HSD11B1: variants seen among roughly 807,000 people sequenced by gnomAD.
The protein encoded by HSD11B1 is 11-beta-hydroxysteroid dehydrogenase 1.
Under a neutral mutation model 22.1 loss-of-function variants are expected in HSD11B1, and 15 were observed. That is an observed-to-expected ratio of 0.68 (90% confidence interval 0.45 to 1.04). HSD11B1 has a LOEUF of 1.04. Among genes scored for constraint, HSD11B1 ranks in the 50% least tolerant of loss-of-function variants. The pLI, the probability that HSD11B1 is intolerant of heterozygous loss-of-function variation, is 0.00. For missense variants in HSD11B1, 281 were observed against 357.6 expected (o/e 0.79, Z 1.73); for synonymous variants, 122 against 125.2 (o/e 0.97, Z 0.17).
At chr1:209,720,239 C>T (rs1372543935) in intron 4 of HSD11B1, among the ~76,000 whole-genome samples, 1 of 152,012 alleles carries the variant, frequency 6.6e-6, no homozygotes, top group East Asian at 1.9e-4. Context: ...ATTAACATCA[C>T]CAGTAATGGA....
chr1:209,695,820 A>C (rs1475734530), intron 1 of HSD11B1, among the ~76,000 whole-genome samples: 2 of 152,218 alleles, frequency 1.3e-5, no homozygotes, highest in Admixed American at 1.3e-4. Flanking sequence ...AAATAAAAAA[A>C]AGTTAAACAT....
intron 1 of HSD11B1, among the ~76,000 whole-genome samples, chr1:209,692,936 TTA>T (rs2076770000): frequency 6.6e-6 from 1 of 152,140 alleles, no homozygotes; most frequent in East Asian, 1.9e-4. Flanking sequence ...TACATGTATT[TTA>T]TGTGTGTGTA....
intron 1 of HSD11B1, 102 bp downstream of exon 1, chr1:209,705,132 G>A: frequency 1.1e-6 from 1 of 934,814 alleles, no homozygotes; most frequent in South Asian, 1.3e-5. Context: ...CTCAAAGTTG[G>A]TGAAAATGAG....
At chr1:209,697,542 T>C (rs2076797798) in intron 1 of HSD11B1, among the ~76,000 whole-genome samples, 1 of 152,206 alleles carries the variant, frequency 6.6e-6, no homozygotes, top group Non-Finnish European at 1.5e-5. Context: ...TTCTAGGGCA[T>C]GGAGAGCATT....
chr1:209,703,014 G>A (rs924790935), upstream of HSD11B1, among the ~76,000 whole-genome samples: 7 of 152,134 alleles, frequency 4.6e-5, no homozygotes, highest in African/African-American at 1.4e-4. Flanking sequence ...TGTCTTTTGA[G>A]GCCACACAAT....
intron 4 of HSD11B1, among the ~76,000 whole-genome samples, chr1:209,710,068 G>T (rs2076885631): frequency 6.6e-6 from 1 of 151,992 alleles, no homozygotes; most frequent in Non-Finnish European, 1.5e-5. Context: ...GTAGGAGAAA[G>T]AATGGAAAGA....
chr1:209,712,330 C>T lies in HSD11B1; in HGVS notation c.517+5202C>T, dbSNP rs1209948814. On this transcript the variant is annotated intron_variant, in intron 4 of 5. Coordinates refer to ENST00000367027, the MANE Select transcript of HSD11B1 (RefSeq NM_005525.4). ...CTGGGTTCTACATCTGTGGATTCAA[C>T]CAAATGTGGATCAAAAAAAAATGGG... Among the ~76,000 whole-genome samples, 5 of 151,942 alleles carry T rather than the reference C, an allele frequency of 3.3e-5. No homozygotes were observed. The East Asian group carries it at 7.7e-4, about 23-fold the overall frequency.
intron 4 of HSD11B1, among the ~76,000 whole-genome samples, chr1:209,708,354 T>C (rs1196556469): frequency 6.6e-6 from 1 of 152,228 alleles, no homozygotes; most frequent in Non-Finnish European, 1.5e-5. Context: ...AACATTCTTA[T>C]TGAAACTAAT....
chr1:209,721,900 T>C (rs1331083910), intron 4 of HSD11B1, among the ~76,000 whole-genome samples: 2 of 152,216 alleles, frequency 1.3e-5, no homozygotes, highest in South Asian at 2.1e-4. Flanking sequence ...TTCCAGTCCC[T>C]GAACTCCAGG....
intron 1 of HSD11B1, among the ~76,000 whole-genome samples, chr1:209,705,548 T>G (rs1320671887): frequency 2.0e-5 from 3 of 152,184 alleles, no homozygotes; most frequent in Non-Finnish European, 4.4e-5. Flanking sequence ...CCATGACTTT[T>G]CTGGCTTCAT....
intron 4 of HSD11B1, among the ~76,000 whole-genome samples, chr1:209,728,204 G>C (rs1255116600): frequency 6.6e-6 from 1 of 152,092 alleles, no homozygotes; most frequent in Non-Finnish European, 1.5e-5. Context: ...TTCACCAATA[G>C]CTTATTTTAG....
intron 1 of HSD11B1, among the ~76,000 whole-genome samples, chr1:209,686,657 A>G (rs2076730701): frequency 1.6e-5 from 1 of 62,424 alleles, no homozygotes; most frequent in Non-Finnish European, 5.9e-5. Context: ...AGCAAGAATT[A>G]TAGAAATGTT....
At chr1:209,723,014 G>C (rs937017696) in intron 4 of HSD11B1, among the ~76,000 whole-genome samples, 1 of 152,122 alleles carries the variant, frequency 6.6e-6, no homozygotes, top group South Asian at 2.1e-4. Context: ...CAGTTCTCTG[G>C]CTCTTGCTGT....
intron 4 of HSD11B1, among the ~76,000 whole-genome samples, chr1:209,718,678 A>G (rs1273309842): frequency 2.6e-5 from 4 of 152,156 alleles, no homozygotes; most frequent in Admixed American, 2.6e-4. Flanking sequence ...AGTACCTCAG[A>G]AAATTTAAAA....
chr1:209,727,618 C>G (rs2077011689), intron 4 of HSD11B1, among the ~76,000 whole-genome samples: 1 of 152,188 alleles, frequency 6.6e-6, no homozygotes, highest in Non-Finnish European at 1.5e-5. Context: ...GAAGTACCAC[C>G]TAGTGTTCAA....
chr1:209,713,910 T>A (rs1021359299), intron 4 of HSD11B1, among the ~76,000 whole-genome samples: 14 of 152,336 alleles, frequency 9.2e-5, no homozygotes, highest in Middle Eastern at 3.4e-3. Context: ...TTGATTTCCA[T>A]AAGTAGAAAT....
intron 1 of HSD11B1, among the ~76,000 whole-genome samples, chr1:209,705,386 A>AG (rs2076851324): frequency 2.0e-5 from 3 of 151,956 alleles, no homozygotes; most frequent in Non-Finnish European, 4.4e-5. Flanking sequence ...AAAAAAAAAA[A>AG]AAAAAACTGG....
rs111446354 is a variant in HSD11B1 at position 209,706,296 on chromosome 1, T to G, written c.219+355T>G. 3.3e-5 allele frequency among the ~76,000 whole-genome samples: 5 copies of G among 152,298 alleles called. No homozygotes were observed. Among genetic ancestry groups the G allele is most frequent in the African/African-American group, 1.2e-4 (5 of 41,556 alleles). ...TGAAATCCCAGTACCTGCTTATGAA[T>G]ACATATCCTCATACCCATGCAGACT... On this transcript the variant is annotated intron_variant, in intron 2 of 5. Transcript: ENST00000367027. This position sits in a 1 kb window ranked among gnomAD's most constrained non-coding sequence, Gnocchi z 4.0.
upstream of HSD11B1, among the ~76,000 whole-genome samples, chr1:209,704,532 C>T (rs2076844235): frequency 6.6e-6 from 1 of 152,088 alleles, no homozygotes; most frequent in South Asian, 2.1e-4. Context: ...CCCCCAGAAG[C>T]CCTACATGCA....
Sources: allele counts gnomAD v4.1 joint callset (sites outside exome capture counted in the v4.1 genomes callset), GRCh38; gene constraint gnomAD v4.1.1; non-coding constraint Gnocchi (gnomAD v3.1); transcripts MANE v1.5; gene names NCBI Gene and HGNC (gene_info 2026-07-23, HGNC 2026-07-21).